The following MYPN variants were observed in gnomAD, a reference collection of about 807,000 sequenced individuals.
MYPN encodes the protein sarcomeric protein myopalladin, 145 kDa (MYOP).
In MYPN, 63 loss-of-function variants were observed where a neutral mutation model predicts 129.4. The observed-to-expected ratio is 0.49, with a 90% CI of 0.40 to 0.60. The LOEUF is 0.60. MYPN is among the 20% of genes least tolerant of loss of function. MYPN has a pLI of 0.00. For synonymous variants in MYPN, 629 were observed against 600.9 expected (o/e 1.05, Z -0.68); for missense variants, 1,596 against 1,635.4 (o/e 0.98, Z 0.42).
At chr10:68,147,458 G>A (rs949032849) in intron 4 of MYPN, among the ~76,000 whole-genome samples, 36 of 152,058 alleles carry the variant, frequency 2.4e-4, no homozygotes, top group African/African-American at 8.0e-4. Context: ...TGCCCCCTCC[G>A]GGAATTATTA....
chr10:68,177,201 G>T (rs1017947824), intron 12 of MYPN, among the ~76,000 whole-genome samples: 2 of 152,174 alleles, frequency 1.3e-5, no homozygotes, highest in Admixed American at 6.5e-5. Flanking sequence ...AATTCCACAA[G>T]TTGAATGCCA....
chr10:68,143,778 G>A lies in MYPN; in HGVS notation c.1078+663G>A, dbSNP rs544454011. Among the ~76,000 whole-genome samples, 20 of 151,890 alleles carry A rather than the reference G, an allele frequency of 1.3e-4. No homozygotes were observed. The South Asian group carries it at 3.3e-3, about 25-fold the overall frequency. On this transcript the variant is annotated intron_variant, in intron 3 of 19. Transcript: ENST00000358913. The stretch of plus-strand genomic sequence containing the variant: ...TTTTGTTTTGTTTTGTTTTTAAGAC[G>A]GAGTCTCACTCTATTGCCCAAGCTG...
chr10:68,197,540 AT>A, intron 16 of MYPN, 62 bp downstream of exon 16: 1 of 1,586,770 alleles, frequency 6.3e-7, no homozygotes, highest in Admixed American at 1.8e-5. Context: ...GTTTGCATTC[AT>A]TTTTATTTGT....
chr10:68,202,337 G>A (rs2043731951), intron 18 of MYPN, among the ~76,000 whole-genome samples: 2 of 152,072 alleles, frequency 1.3e-5, no homozygotes, highest in Admixed American at 1.3e-4. Context: ...GGAGGCTGAG[G>A]CAGGAGAATG....
At chr10:68,152,534 A>C (rs1358716727) in intron 6 of MYPN, among the ~76,000 whole-genome samples, 1 of 152,170 alleles carries the variant, frequency 6.6e-6, no homozygotes, top group Non-Finnish European at 1.5e-5. Context: ...CACCTTGAAG[A>C]CTATCTCTAA....
At chr10:68,161,937 C>T (rs1589573473) in intron 8 of MYPN, 185 bp downstream of exon 8, 4 of 475,630 alleles carry the variant, frequency 8.4e-6, no homozygotes, top group Non-Finnish European at 1.5e-5. Flanking sequence ...CCGAGGCGGG[C>T]GGATTACTTG....
chr10:68,170,569 T>C (rs925836201), intron 10 of MYPN, among the ~76,000 whole-genome samples: 2 of 152,194 alleles, frequency 1.3e-5, no homozygotes, highest in African/African-American at 4.8e-5. Flanking sequence ...TTCTGCTTGT[T>C]CCTTCAATTT....
In MYPN at chr10:68,155,246, T is replaced by G. The variant is rs570563294; in HGVS notation, c.1318-3240T>G. On this transcript the variant is annotated intron_variant, in intron 6 of 19. Transcript: ENST00000358913. ...CCCTTCCATTTCAGCTAAGAAGAAA[T>G]TATTATTTTCATTACTTTGTGACTT... 7.2e-5 allele frequency among the ~76,000 whole-genome samples: 11 copies of G among 152,170 alleles called. No homozygotes were observed. The South Asian group carries it at 1.7e-3, about 23-fold the overall frequency.
rs1250584637 is a variant in MYPN at position 68,122,178 on chromosome 10, G to A, written c.740G>A (p.Gly247Asp). 1 of 1,610,860 alleles carries A rather than the reference G, an allele frequency of 6.2e-7. No homozygotes were observed. The highest frequency in any genetic ancestry group is 8.5e-7 in the Non-Finnish European group (1 of 1,178,140). ...GAGCAGGCTGCCAGTGAGGCGGCTG[G>A]TGGAGACACTACACCAGGGTCTTCC... ...EAEQAASEAAGGDTTPGSSPS... is the reference protein window; with the variant it reads ...EAEQAASEAADGDTTPGSSPS... The change falls in exon 2 of 20, where the codon GGT (glycine) becomes GAT (aspartate). Residue 247 changes from glycine to aspartate, a missense_variant. By Grantham distance (94) the Gly-to-Asp change is moderately conservative (BLOSUM62 -1). Coordinates refer to ENST00000358913, the MANE Select transcript of MYPN (RefSeq NM_032578.4).
intron 2 of MYPN, among the ~76,000 whole-genome samples, chr10:68,134,914 T>G (rs1261368500): frequency 1.3e-5 from 2 of 152,110 alleles, no homozygotes; most frequent in East Asian, 3.8e-4. Flanking sequence ...CCAAGAAGTT[T>G]CTGCCTGGAA....
chr10:68,145,497 A>G lies in MYPN; in HGVS notation c.1101A>G (p.Glu367=). 1 of 1,613,578 alleles carries G rather than the reference A, an allele frequency of 6.2e-7. No homozygotes were observed. The highest frequency in any genetic ancestry group is 8.5e-7 in the Non-Finnish European group (1 of 1,179,690). The change falls in exon 4 of 20, where the codon GAA becomes GAG. Residue 367 remains glutamate (E), a synonymous_variant. Transcript: ENST00000358913. ...CAGGGGTTTCTTCTTCTGACTCAGA[A>G]GGCGACCCTAACAAGGAAGAGATGA... ...YIEGVSSSDS[E]GDPNKEEMNR... is the part of the protein sequence containing the mutation.
At chr10:68,137,752 T>A (rs1381633548) in intron 2 of MYPN, among the ~76,000 whole-genome samples, 1 of 152,180 alleles carries the variant, frequency 6.6e-6, no homozygotes, top group Non-Finnish European at 1.5e-5. Context: ...CAACAAATAC[T>A]GTCAGTTTTT....
intron 6 of MYPN, among the ~76,000 whole-genome samples, chr10:68,155,887 C>T (rs751481731): frequency 6.6e-6 from 1 of 152,134 alleles, no homozygotes. Flanking sequence ...ATTAGGAGGC[C>T]CATTCCATAC....
chr10:68,166,740 G>A, intron 10 of MYPN, 74 bp downstream of exon 10: 7 of 1,578,084 alleles, frequency 4.4e-6, no homozygotes, highest in Middle Eastern at 1.7e-4. Flanking sequence ...TAAAAGTAAT[G>A]GAACTCAGCT....
At chr10:68,160,776 G>A (rs2042963132) in intron 7 of MYPN, among the ~76,000 whole-genome samples, 1 of 152,128 alleles carries the variant, frequency 6.6e-6, no homozygotes, top group African/African-American at 2.4e-5. Context: ...ACTTAGCTGA[G>A]TGTGGTGACA....
At chr10:68,197,530 G>C in intron 16 of MYPN, 52 bp downstream of exon 16, 1 of 1,601,940 alleles carries the variant, frequency 6.2e-7, no homozygotes, top group Non-Finnish European at 8.5e-7. Context: ...TTTTGTATTT[G>C]TTTGCATTCA....
chr10:68,127,754 GACCC>G (rs1185392646), intron 2 of MYPN, among the ~76,000 whole-genome samples: 2 of 152,098 alleles, frequency 1.3e-5, no homozygotes, highest in Non-Finnish European at 2.9e-5. Flanking sequence ...ATCTCCACAG[GACCC>G]AGGAAAACAG....
rs969011897 is a variant in MYPN at position 68,182,422 on chromosome 10, A to C, written c.2704-6483A>C. ...TATATAACACATATATATAACATATATATAACACATATATATAACATATAT... is the reference window on the plus strand; with the variant it reads ...TATATAACACATATATATAACATATCTATAACACATATATATAACATATAT... On this transcript the variant is annotated intron_variant, in intron 12 of 19. Coordinates refer to ENST00000358913, the MANE Select transcript of MYPN (RefSeq NM_032578.4). 2.2e-4 allele frequency among the ~76,000 whole-genome samples: 22 copies of C among 98,192 alleles called. 2 individuals carry two copies. The highest frequency in any genetic ancestry group is 5.8e-4 in the African/African-American group (21 of 36,162). The allele number at this position is 98,192 out of a possible 152,430, so 64.4% of individuals were successfully genotyped here.
At chr10:68,095,306 C>T (rs1380624497) in intron 1 of MYPN, among the ~76,000 whole-genome samples, 1 of 150,164 alleles carries the variant, frequency 6.7e-6, no homozygotes, top group African/African-American at 2.5e-5. Context: ...GAAGAGATCA[C>T]TCTATTACAC....
Sources: allele counts gnomAD v4.1 joint callset (sites outside exome capture counted in the v4.1 genomes callset), GRCh38; gene constraint gnomAD v4.1.1; transcripts MANE v1.5; gene names NCBI Gene and HGNC (gene_info 2026-07-23, HGNC 2026-07-21).